Variants in ITGAV observed in about 807,000 individuals in gnomAD.
ITGAV encodes integrin subunit alpha V.
ITGAV carries 76 observed loss-of-function variants against 143.8 expected under a neutral mutation model. The observed-to-expected ratio is 0.53, with a 90% CI of 0.44 to 0.64. The LOEUF is 0.64. ITGAV is among the 30% of genes least tolerant of loss of function. The pLI is 0.00. For synonymous variants in ITGAV, 453 were observed against 446.7 expected (o/e 1.01, Z -0.18); for missense variants, 1,193 against 1,274.7 (o/e 0.94, Z 0.98).
Position 186,590,231 on chromosome 2 carries a change from G to A in ITGAV, c.-108G>A, listed in dbSNP as rs1686572351. On this transcript the variant is annotated 5_prime_UTR_variant, in exon 1 of 30. Coordinates refer to ENST00000261023, the MANE Select transcript of ITGAV (RefSeq NM_002210.5). ...CGGGCTAGCCGAGAAGAGAGCGGCC[G>A]GCAAGTTTGGGCGCGCGCAGGCGGC... The A allele has an allele frequency of 3.2e-6, 3 of 951,164 alleles. No individual in the cohort carries two copies. The highest frequency in any genetic ancestry group is 4.3e-6 in the Non-Finnish European group (3 of 702,438). 58.9% of individuals were successfully genotyped at this position (951,164 alleles called of 1,614,324 possible). A position where few individuals can be genotyped will look rare whatever the true frequency, so the allele number is the denominator to read the frequency against.
intron 8 of ITGAV, 42 bp downstream of exon 8, chr2:186,637,151 G>A: frequency 6.6e-7 from 1 of 1,514,502 alleles, no homozygotes; most frequent in Non-Finnish European, 9.2e-7. Flanking sequence ...AAAAAAATTA[G>A]ATTAAGTATT....
At chr2:186,676,529 G>A (rs143430286) in intron 28 of ITGAV, among the ~76,000 whole-genome samples, 2 of 152,208 alleles carry the variant, frequency 1.3e-5, no homozygotes, top group East Asian at 1.9e-4. Flanking sequence ...GCAGTGAGCC[G>A]AGTTCATGCC....
At chr2:186,628,843 T>C (rs16823857) in intron 4 of ITGAV, among the ~76,000 whole-genome samples, 3,648 of 152,166 alleles carry the variant, frequency 0.024, 151 homozygotes, top group African/African-American at 0.084. Context: ...GATAAAGATA[T>C]TATTGATTTG....
chr2:186,597,778 A>G (rs1345542881), intron 1 of ITGAV, among the ~76,000 whole-genome samples: 1 of 152,138 alleles, frequency 6.6e-6, no homozygotes, highest in Non-Finnish European at 1.5e-5. Context: ...CATAGGAGCA[A>G]ACCCTATTGT....
chr2:186,669,175 C>G (rs1017295369), intron 25 of ITGAV, among the ~76,000 whole-genome samples: 1 of 152,136 alleles, frequency 6.6e-6, no homozygotes, highest in Non-Finnish European at 1.5e-5. Context: ...TTCAGTGACT[C>G]AGTTTGACCT....
chr2:186,669,836 T>C (rs1293005133), intron 26 of ITGAV, 22 bp downstream of exon 26: 21 of 1,454,242 alleles, frequency 1.4e-5, no homozygotes, highest in Non-Finnish European at 9.7e-7. Context: ...TTCAAATATG[T>C]GCACCATAGA....
intron 4 of ITGAV, among the ~76,000 whole-genome samples, chr2:186,626,553 T>A (rs546027813): frequency 6.6e-6 from 1 of 152,366 alleles, no homozygotes; most frequent in Admixed American, 6.5e-5. Context: ...ACATTTGTTT[T>A]GTCCATGTTA....
chr2:186,678,761 G>T lies in ITGAV; in HGVS notation c.*1469G>T, dbSNP rs777900204. ...TGCAATTACATCATGTTGTACATTAGAAATGGAGAGTTTAATAGCTCTTTA... is the reference window on the plus strand; with the variant it reads ...TGCAATTACATCATGTTGTACATTATAAATGGAGAGTTTAATAGCTCTTTA... On this transcript the variant is annotated 3_prime_UTR_variant, in exon 30 of 30. Coordinates refer to ENST00000261023, the MANE Select transcript of ITGAV (RefSeq NM_002210.5). The T allele has an allele frequency of 4.4e-6, 2 of 455,558 alleles. No individual in the cohort carries two copies. Among genetic ancestry groups the T allele is most frequent in the Non-Finnish European group, 8.8e-6 (2 of 226,342 alleles). 28.2% of individuals were successfully genotyped at this position (455,558 alleles called of 1,614,324 possible).
intron 4 of ITGAV, among the ~76,000 whole-genome samples, chr2:186,628,997 C>T (rs1472590364): frequency 6.6e-6 from 1 of 151,958 alleles, no homozygotes; most frequent in African/African-American, 2.4e-5. Context: ...ATAATAGTAT[C>T]TCTTATAGGA....
rs563650966 is a variant in ITGAV, at chr2:186,592,428, C to G, written c.185+1905C>G. 6.6e-5 allele frequency among the ~76,000 whole-genome samples: 10 copies of G among 152,260 alleles called. No homozygotes were observed. In the South Asian group the frequency reaches 2.1e-3, roughly 32 times the overall value. On this transcript the variant is annotated intron_variant, in intron 1 of 29. Coordinates refer to ENST00000261023, the MANE Select transcript of ITGAV (RefSeq NM_002210.5). ...GGCCTGGGCGATAGAGAGAGACTGTCTCAGAAACAAAAACAAAATCAAAAA... is the reference window on the plus strand; with the variant it reads ...GGCCTGGGCGATAGAGAGAGACTGTGTCAGAAACAAAAACAAAATCAAAAA...
chr2:186,632,234 A>G (rs1412183821), intron 5 of ITGAV, among the ~76,000 whole-genome samples: 1 of 152,134 alleles, frequency 6.6e-6, no homozygotes, highest in East Asian at 1.9e-4. Context: ...CTTGTATGAT[A>G]CATTTCCAAA....
At position 186,651,832 on chromosome 2, in the gene ITGAV, G is replaced by T. The variant is rs574871968; in HGVS notation, c.1398-150G>T. 1.4e-5 allele frequency: 8 copies of T among 556,970 alleles called. No homozygotes were observed. In the South Asian group the frequency reaches 1.5e-4, roughly 10 times the overall value. 34.5% of individuals were successfully genotyped at this position (556,970 alleles called of 1,614,324 possible). On this transcript the variant is annotated intron_variant, in intron 14 of 29. Coordinates refer to ENST00000261023, the MANE Select transcript of ITGAV (RefSeq NM_002210.5). ...CAACTAAGACAGTTGATCACCTACG[G>T]TTATGTTGTTCCTGTTCCTTTTACT...
chr2:186,654,002 A>G (rs934337958), intron 15 of ITGAV, among the ~76,000 whole-genome samples: 1 of 152,188 alleles, frequency 6.6e-6, no homozygotes, highest in Non-Finnish European at 1.5e-5. Flanking sequence ...AATTAAAGAA[A>G]GTTTTGGTGG....
At chr2:186,628,000 A>G (rs952342454) in intron 4 of ITGAV, among the ~76,000 whole-genome samples, 1 of 152,164 alleles carries the variant, frequency 6.6e-6, no homozygotes, top group African/African-American at 2.4e-5. Context: ...TGTTCAGAGA[A>G]GAAGACTCAG....
chr2:186,656,063 A>T (rs748929109), intron 16 of ITGAV, among the ~76,000 whole-genome samples, 184 bp from the exon 17 acceptor site: 2 of 152,078 alleles, frequency 1.3e-5, no homozygotes, highest in African/African-American at 2.4e-5. Context: ...TTATTTAATT[A>T]TTATTAAATA....
intron 17 of ITGAV, among the ~76,000 whole-genome samples, chr2:186,657,420 GC>G (rs1230254734): frequency 6.6e-6 from 1 of 152,174 alleles, no homozygotes; most frequent in Non-Finnish European, 1.5e-5. Flanking sequence ...CTATCACAGT[GC>G]AGTTGTTAGA....
chr2:186,600,340 C>T, intron 1 of ITGAV: 3 of 1,522,706 alleles, frequency 2.0e-6, no homozygotes, highest in Non-Finnish European at 2.7e-6. Context: ...CACAAATGCT[C>T]CTAGGCACCC....
chr2:186,640,144 C>T (rs904257605), intron 10 of ITGAV, among the ~76,000 whole-genome samples: 1 of 152,138 alleles, frequency 6.6e-6, no homozygotes, highest in African/African-American at 2.4e-5. Context: ...TCTGTCATCT[C>T]TTTTAGTTTT....
At chr2:186,601,047 C>T (rs890556918) in intron 1 of ITGAV, among the ~76,000 whole-genome samples, 9 of 151,358 alleles carry the variant, frequency 5.9e-5, no homozygotes, top group African/African-American at 2.2e-4. Flanking sequence ...AGAGGAAGCA[C>T]TCACTTCATA....
Sources: allele counts gnomAD v4.1 joint callset (sites outside exome capture counted in the v4.1 genomes callset), GRCh38; gene constraint gnomAD v4.1.1; transcripts MANE v1.5; gene names NCBI Gene and HGNC (gene_info 2026-07-23, HGNC 2026-07-21).